DHRSX: variants seen among roughly 807,000 people sequenced by gnomAD.
DHRSX encodes the protein dehydrogenase/reductase X-linked, also known as polyprenol dehydrogenase.
A neutral mutation model predicts 34.0 loss-of-function variants in DHRSX; 31 were observed. That is an observed-to-expected ratio of 0.91 (90% CI 0.69 to 1.23). DHRSX has a LOEUF of 1.23. Ranked by LOEUF, DHRSX falls within the 50% of genes most tolerant of loss-of-function variation. The probability of loss-of-function intolerance (pLI) is 0.00; values close to 1 mark genes in which losing one functional copy is unlikely to be tolerated. For synonymous variants in DHRSX, 201 were observed against 183.8 expected (o/e 1.09, Z -0.76); for missense variants, 414 against 428.1 (o/e 0.97, Z 0.29).
intron 3 of DHRSX, among the ~76,000 whole-genome samples, chrX:2,330,386 T>G (rs1454639151): frequency 6.6e-6 from 1 of 151,162 alleles, no homozygotes; most frequent in African/African-American, 2.4e-5. Context: ...CTGGGCAGGG[T>G]GGTGCATGCC....
chrX:2,418,049 A>T (rs983364897), intron 2 of DHRSX, among the ~76,000 whole-genome samples: 4 of 151,990 alleles, frequency 2.6e-5, no homozygotes, highest in Non-Finnish European at 5.9e-5. Context: ...TAACTCAACA[A>T]GACCTCATCA....
intron 3 of DHRSX, among the ~76,000 whole-genome samples, chrX:2,366,762 A>AT (rs111658597): frequency 0.22 from 31,565 of 146,338 alleles, 5,390 homozygotes; most frequent in African/African-American, 0.49. Flanking sequence ...TACCCGGATA[A>AT]TTTTTTTTTT....
chrX:2,418,716 G>A (rs2043729534), intron 2 of DHRSX, among the ~76,000 whole-genome samples: 1 of 152,118 alleles, frequency 6.6e-6, no homozygotes, highest in African/African-American at 2.4e-5. Context: ...CCAACCTTCA[G>A]AGAATACCTA....
intron 3 of DHRSX, among the ~76,000 whole-genome samples, chrX:2,353,584 A>ATT (rs774278281): frequency 0.16 from 21,590 of 135,912 alleles, 2,058 homozygotes; most frequent in Non-Finnish European, 0.21. Context: ...AGCTGATTGC[A>ATT]TTTTTTTTTT....
At chrX:2,447,653 T>A (rs1426279119) in intron 1 of DHRSX, among the ~76,000 whole-genome samples, 2 of 151,592 alleles carry the variant, frequency 1.3e-5, no homozygotes, top group South Asian at 4.2e-4. Context: ...AACACATGAG[T>A]GCCTCAAGCA....
chrX:2,258,451 A>G (rs1395383007), intron 5 of DHRSX, among the ~76,000 whole-genome samples: 2 of 151,866 alleles, frequency 1.3e-5, no homozygotes, highest in Non-Finnish European at 2.9e-5. Flanking sequence ...CTGTGATAGC[A>G]GCCTGAAATG....
intron 5 of DHRSX, among the ~76,000 whole-genome samples, chrX:2,258,648 G>GT (rs1159152042): frequency 6.6e-6 from 1 of 152,178 alleles, no homozygotes; most frequent in African/African-American, 2.4e-5. Context: ...AATGTCTGCT[G>GT]TTTAAGCCAC....
At chrX:2,413,987 C>T (rs760760950) in intron 2 of DHRSX, among the ~76,000 whole-genome samples, 2 of 151,942 alleles carry the variant, frequency 1.3e-5, no homozygotes, top group Non-Finnish European at 2.9e-5. Context: ...TTAACTGAAT[C>T]TCATCACAAC....
intron 6 of DHRSX, among the ~76,000 whole-genome samples, chrX:2,223,335 C>T (rs1172179053): frequency 6.6e-6 from 1 of 152,212 alleles, no homozygotes; most frequent in Middle Eastern, 3.2e-3. Flanking sequence ...CTTTGCTCCT[C>T]CTTCACCTTC....
At chrX:2,291,145 T>C (rs1482448046) in intron 4 of DHRSX, among the ~76,000 whole-genome samples, 1 of 152,106 alleles carries the variant, frequency 6.6e-6, no homozygotes, top group African/African-American at 2.4e-5. Context: ...GTAATGAGCT[T>C]CTAGTGCCCA....
chrX:2,397,767 G>C (rs959579927), intron 3 of DHRSX, among the ~76,000 whole-genome samples: 19 of 152,054 alleles, frequency 1.2e-4, no homozygotes, highest in African/African-American at 3.1e-4. Context: ...TCCTCGTTAC[G>C]GGCGGGATGG....
chrX:2,355,746 T>C (rs905923330), intron 3 of DHRSX, among the ~76,000 whole-genome samples: 26 of 151,910 alleles, frequency 1.7e-4, no homozygotes, highest in Admixed American at 1.4e-3. Flanking sequence ...CGGACAATAG[T>C]AGACAGAGGG....
intron 1 of DHRSX, among the ~76,000 whole-genome samples, chrX:2,483,664 A>G (rs1376089980): frequency 6.6e-6 from 1 of 152,134 alleles, no homozygotes; most frequent in East Asian, 1.9e-4. Context: ...TTCCAGTGAC[A>G]AAAACCTCAC....
chrX:2,350,401 C>T (rs1187770648), intron 3 of DHRSX, among the ~76,000 whole-genome samples: 3 of 152,074 alleles, frequency 2.0e-5, no homozygotes, highest in Non-Finnish European at 4.4e-5. Context: ...ACCACGCAGC[C>T]TTAAAAAGAA....
Position 2,465,421 on chromosome X carries a change from A to G in DHRSX, c.109+35396T>C, listed in dbSNP as rs2044477912. On this transcript the variant is annotated intron_variant, in intron 1 of 6. Coordinates refer to ENST00000334651, the MANE Select transcript of DHRSX (RefSeq NM_145177.3). ...TCACGCCAAAGAAGACCTGTTTAGC[A>G]TACAAAATCAAGCTGTGAGGAGTAA... Among the ~76,000 whole-genome samples the G allele has an allele frequency of 2.0e-5, 3 of 152,250 alleles. No homozygotes were observed. In the South Asian group the frequency reaches 6.2e-4, roughly 32 times the overall value.
intron 3 of DHRSX, among the ~76,000 whole-genome samples, chrX:2,306,386 CCT>C (rs1347437463): frequency 6.6e-6 from 1 of 152,036 alleles, no homozygotes; most frequent in Non-Finnish European, 1.5e-5. Flanking sequence ...GAACTTCACC[CCT>C]GACATTCAGA....
intron 1 of DHRSX, chrX:2,489,049 G>A (rs141581343): frequency 5.2e-5 from 84 of 1,613,758 alleles, no homozygotes; most frequent in Non-Finnish European, 5.7e-5. Flanking sequence ...GGTCCTCCAC[G>A]CCGCCTGTCT....
At chrX:2,310,467 A>C (rs1481266559) in intron 3 of DHRSX, among the ~76,000 whole-genome samples, 1 of 152,018 alleles carries the variant, frequency 6.6e-6, no homozygotes. Context: ...TTTTCTTTGT[A>C]TGAGGCAGCT....
chrX:2,229,445 T>A (rs1388152170), intron 6 of DHRSX, among the ~76,000 whole-genome samples: 1 of 152,064 alleles, frequency 6.6e-6, no homozygotes, highest in Non-Finnish European at 1.5e-5. Flanking sequence ...CCCTGCCTCT[T>A]GCCTCTCTGT....
Sources: gnomAD v4.1 joint callset for allele counts (sites outside exome capture counted in the v4.1 genomes callset) on GRCh38, gnomAD v4.1.1 for gene constraint, MANE v1.5 for transcripts, NCBI Gene and HGNC (gene_info 2026-07-23, HGNC 2026-07-21) for gene names.